CHN1: variants seen among roughly 807,000 people sequenced by gnomAD.
CHN1 encodes N-chimaerin.
Under a neutral mutation model 59.5 loss-of-function variants are expected in CHN1, and 37 were observed. That is an observed-to-expected ratio of 0.62 (90% CI 0.48 to 0.82). CHN1 has a LOEUF of 0.82. Among genes scored for constraint, CHN1 ranks in the 40% least tolerant of loss-of-function variants. CHN1 has a pLI of 0.00. For synonymous variants in CHN1, 206 were observed against 200.4 expected (o/e 1.03, Z -0.24); for missense variants, 469 against 571.0 (o/e 0.82, Z 1.82).
At chr2:174,929,503 G>A (rs187647138) in intron 3 of CHN1, among the ~76,000 whole-genome samples, 31 of 152,150 alleles carry the variant, frequency 2.0e-4, no homozygotes, top group African/African-American at 7.0e-4. Flanking sequence ...ACTTGAACTC[G>A]GGAGTTGGAG....
At chr2:174,838,138 G>C (rs1278083577) in intron 7 of CHN1, among the ~76,000 whole-genome samples, 1 of 151,808 alleles carries the variant, frequency 6.6e-6, no homozygotes, top group African/African-American at 2.4e-5. Flanking sequence ...TTGTTGCCCA[G>C]GCTGGAGTGC....
intron 1 of CHN1, among the ~76,000 whole-genome samples, chr2:174,962,241 C>T (rs1438503680): frequency 6.6e-6 from 1 of 151,878 alleles, no homozygotes; most frequent in African/African-American, 2.4e-5. Flanking sequence ...GCCGAGATCA[C>T]GCCACTGCAT....
intron 12 of CHN1, 132 bp from the exon 13 acceptor site, chr2:174,800,419 C>A (rs939836174): frequency 5.1e-5 from 30 of 588,676 alleles, no homozygotes; most frequent in Middle Eastern, 8.4e-4. Context: ...TAGGTTATTT[C>A]TCTGTAATTT....
chr2:174,833,448 T>C (rs1685949471), intron 7 of CHN1, among the ~76,000 whole-genome samples: 1 of 152,232 alleles, frequency 6.6e-6, no homozygotes, highest in Non-Finnish European at 1.5e-5. Context: ...TTCAGTTCTT[T>C]GAAGATGTCG....
At chr2:174,991,776 C>T (rs1175809320) in intron 1 of CHN1, among the ~76,000 whole-genome samples, 1 of 152,096 alleles carries the variant, frequency 6.6e-6, no homozygotes, top group East Asian at 1.9e-4. Flanking sequence ...TATATTTCTA[C>T]CCTGGAAATT....
At position 174,811,503 on chromosome 2, in the gene CHN1, A is replaced by G; in HGVS notation, c.964+8T>C. 6.3e-7 allele frequency: 1 copy of G among 1,599,122 alleles called. No homozygotes were observed. ...GTCCTAAGTTATGGAACATTGTGAA[A>G]AACATACCTCTGTCGAAAGCCATCT... is the stretch of plus-strand genomic sequence containing the variant. On this transcript the variant is annotated splice_region_variant and intron_variant, in intron 10 of 12. Coordinates refer to ENST00000409900, the MANE Select transcript of CHN1 (RefSeq NM_001822.7).
intron 8 of CHN1, among the ~76,000 whole-genome samples, chr2:174,818,932 G>A (rs1304293616): frequency 6.6e-6 from 1 of 152,010 alleles, no homozygotes; most frequent in Non-Finnish European, 1.5e-5. Flanking sequence ...ATGTTAATAA[G>A]ATTTGAAATT....
At chr2:174,867,436 A>G (rs963083071) in intron 6 of CHN1, among the ~76,000 whole-genome samples, 1 of 152,018 alleles carries the variant, frequency 6.6e-6, no homozygotes, top group Non-Finnish European at 1.5e-5. Flanking sequence ...CAGTATAGGG[A>G]AAAAGAGTAC....
rs1553473432 is a variant in CHN1 at position 174,807,463 on chromosome 2, T to TGTGTGTGTGG, written c.1102+1441_1102+1442insCCACACACAC. Among the ~76,000 whole-genome samples the TGTGTGTGTGG allele has an allele frequency of 9.2e-5, 11 of 120,004 alleles. 1 individual carries two copies. Among genetic ancestry groups the TGTGTGTGTGG allele is most frequent in the Non-Finnish European group, 1.6e-4 (10 of 61,230 alleles). The allele number at this position is 120,004 out of a possible 152,430, so 78.7% of individuals were successfully genotyped here. A position where few individuals can be genotyped will look rare whatever the true frequency, so the allele number is the denominator to read the frequency against. On this transcript the variant is annotated intron_variant, in intron 11 of 12. Coordinates refer to ENST00000409900, the MANE Select transcript of CHN1 (RefSeq NM_001822.7). Reference sequence around the variant, plus strand: ...CGGGCTATCTGTGTGTGTGTGTGTGTGTGTGTGTGTGTGTGTGTGTGTGTG... The same window carrying TGTGTGTGTGG: ...CGGGCTATCTGTGTGTGTGTGTGTGTGTGTGTGTGGGTGTGTGTGTGTGTGTGTGTGTGTG...
chr2:174,941,784 G>A (rs1689674175), intron 3 of CHN1, among the ~76,000 whole-genome samples: 1 of 151,934 alleles, frequency 6.6e-6, no homozygotes, highest in Non-Finnish European at 1.5e-5. Context: ...TTGCCAGGCA[G>A]GTCTTGAACC....
intron 7 of CHN1, among the ~76,000 whole-genome samples, chr2:174,828,678 A>G (rs1243388366): frequency 6.6e-6 from 1 of 152,262 alleles, no homozygotes; most frequent in African/African-American, 2.4e-5. Flanking sequence ...CATTCAAAAT[A>G]TAATTAAAAA....
rs558807482 is a variant in CHN1, at chr2:174,837,484, T to C, written c.627+9396A>G. On this transcript the variant is annotated intron_variant, in intron 7 of 12. Transcript: ENST00000409900. ...GCCTCTGACTACCATGACCTAAAAA[T>C]AGATGTGTTCTTTTAATTTTTAAGT... 1.1e-4 allele frequency: 17 copies of C among 152,302 alleles called. No homozygotes were observed. The South Asian group carries it at 1.4e-3, about 13-fold the overall frequency. 9.4% of individuals were successfully genotyped at this position (152,302 alleles called of 1,614,324 possible). A position where few individuals can be genotyped will look rare whatever the true frequency, so the allele number is the denominator to read the frequency against.
At chr2:174,812,198 C>T in intron 9 of CHN1, 111 bp downstream of exon 9, 1 of 786,010 alleles carries the variant, frequency 1.3e-6, no homozygotes. Flanking sequence ...AAACCATTCC[C>T]CTCCAAATTA....
At chr2:174,847,531 T>A in intron 6 of CHN1, 19 of 1,230,140 alleles carry the variant, frequency 1.5e-5, no homozygotes, top group Non-Finnish European at 1.9e-5. Context: ...CCATTCTGAA[T>A]GAAAGATGCC....
At position 174,865,030 on chromosome 2, in the gene CHN1, AAG is replaced by A. The variant is rs142994970; in HGVS notation, c.549+12808_549+12809del. On this transcript the variant is annotated intron_variant, in intron 6 of 12. Transcript: ENST00000409900. ...TTGTACATCTGTGTGATACTTCATG[AAG>A]AGAGGACAGCATTTGACATAAGCAA... is the stretch of plus-strand genomic sequence containing the variant. Among the ~76,000 whole-genome samples, 354 of 152,318 alleles carry A rather than the reference AAG, an allele frequency of 2.3e-3. 2 individuals carry two copies. Among genetic ancestry groups the A allele is most frequent in the African/African-American group, 8.2e-3 (341 of 41,564 alleles).
chr2:174,827,227 A>G (rs1175322550), intron 7 of CHN1, among the ~76,000 whole-genome samples: 1 of 152,236 alleles, frequency 6.6e-6, no homozygotes, highest in African/African-American at 2.4e-5. Context: ...TCTAAAGGTC[A>G]TCAAAACAAA....
At position 174,798,977 on chromosome 2, in the gene CHN1, T is replaced by G. The variant is rs4972727; in HGVS notation, c.*1139A>C. ...GCCCAGAATCTGGGCTCCTGGCCCC[T>G]AGCTGCAGACCCCTTCTCCAGCCAC... On this transcript the variant is annotated 3_prime_UTR_variant, in exon 13 of 13. Transcript: ENST00000409900. 0.029 allele frequency among the ~76,000 whole-genome samples: 4,435 copies of G among 152,338 alleles called. 117 individuals carry two copies. Among genetic ancestry groups the G allele is most frequent in the South Asian group, 0.12 (571 of 4,818 alleles).
chr2:174,919,074 T>C (rs937527701), intron 3 of CHN1, among the ~76,000 whole-genome samples: 5 of 152,224 alleles, frequency 3.3e-5, no homozygotes, highest in Admixed American at 2.6e-4. Flanking sequence ...CCCAGCAAGA[T>C]AAATGCCCAG....
At position 174,957,925 on chromosome 2, in the gene CHN1, T is replaced by C. The variant is rs549088387; in HGVS notation, c.20-5723A>G. On this transcript the variant is annotated intron_variant, in intron 1 of 12. Transcript: ENST00000409900. ...ATGGACAGTCAATCAACCATGCTTA[T>C]GCAATAAAGCCCCAATGAAAGCTCT... 3.3e-5 allele frequency among the ~76,000 whole-genome samples: 5 copies of C among 152,284 alleles called. No individual in the cohort carries two copies. In the South Asian group the frequency reaches 8.3e-4, roughly 25 times the overall value.
Sources: allele counts gnomAD v4.1 joint callset (sites outside exome capture counted in the v4.1 genomes callset), GRCh38; gene constraint gnomAD v4.1.1; transcripts MANE v1.5; gene names NCBI Gene and HGNC (gene_info 2026-07-23, HGNC 2026-07-21).